PIGL: variants seen among roughly 807,000 people sequenced by gnomAD.
PIGL encodes N-acetylglucosaminyl-phosphatidylinositol de-N-acetylase.
Under a neutral mutation model 31.1 loss-of-function variants are expected in PIGL, and 22 were observed. That is an observed-to-expected ratio of 0.71 (90% CI 0.51 to 1.01). PIGL has a LOEUF of 1.01. Among genes scored for constraint, PIGL ranks in the 50% least tolerant of loss-of-function variants. The pLI is 0.00. For synonymous variants in PIGL, 131 were observed against 117.4 expected, an observed-to-expected ratio of 1.12 and a Z score of -0.75; for missense variants, 302 against 315.9, an observed-to-expected ratio of 0.96 and a Z score of 0.33.
chr17:16,319,616 G>A (rs569918283), intron 6 of PIGL, among the ~76,000 whole-genome samples: 8 of 152,132 alleles, frequency 5.3e-5, no homozygotes, highest in South Asian at 4.2e-4. Flanking sequence ...GTAGCCGGGC[G>A]TGGTGGTGGG....
At chr17:16,313,434 G>A in intron 3 of PIGL, 113 bp from the exon 4 acceptor site, 3 of 783,500 alleles carry the variant, frequency 3.8e-6, no homozygotes, top group Non-Finnish European at 6.9e-6. Flanking sequence ...GATAGATGCT[G>A]CATTTGAAAA....
chr17:16,224,153 T>G (rs2092641403), intron 1 of PIGL, among the ~76,000 whole-genome samples: 1 of 151,666 alleles, frequency 6.6e-6, no homozygotes, highest in South Asian at 2.1e-4. Context: ...AGGCGGAGGT[T>G]GCAGTGAGCC....
rs78063205 is a variant in PIGL, at chr17:16,294,711, T to C, written c.336-5177T>C. 5.6e-3 allele frequency among the ~76,000 whole-genome samples: 856 copies of C among 152,320 alleles called. 13 individuals are homozygous for C. Among genetic ancestry groups the C allele is most frequent in the African/African-American group, 0.019 (790 of 41,576 alleles). ...CCAGGCTCCCATGTCCATTGGCTTCTGGAGGGGTTTGACCAGTAGATGGCA... is the reference window on the plus strand; with the variant it reads ...CCAGGCTCCCATGTCCATTGGCTTCCGGAGGGGTTTGACCAGTAGATGGCA... On this transcript the variant is annotated intron_variant, in intron 2 of 6. Transcript: ENST00000225609.
intron 2 of PIGL, among the ~76,000 whole-genome samples, chr17:16,249,011 C>T (rs2092759858): frequency 6.6e-6 from 1 of 152,104 alleles, no homozygotes. Context: ...TCTTATAGCA[C>T]CACCAGTTCT....
chr17:16,239,597 T>A (rs770977421), intron 2 of PIGL, among the ~76,000 whole-genome samples: 2 of 152,182 alleles, frequency 1.3e-5, no homozygotes, highest in Non-Finnish European at 2.9e-5. Flanking sequence ...CTTCATGATA[T>A]CATACAGAAA....
At chr17:16,249,479 A>G (rs1040334336) in intron 2 of PIGL, among the ~76,000 whole-genome samples, 13 of 152,122 alleles carry the variant, frequency 8.5e-5, no homozygotes, top group Admixed American at 2.6e-4. Context: ...CACAAAGACA[A>G]GAACAAAAAC....
intron 2 of PIGL, among the ~76,000 whole-genome samples, chr17:16,256,616 C>T (rs541440249): frequency 6.6e-6 from 1 of 152,116 alleles, no homozygotes; most frequent in Admixed American, 6.5e-5. Context: ...TCCCAAAGTG[C>T]TAGGATTACA....
At chr17:16,304,803 C>A (rs2093019884) in intron 3 of PIGL, among the ~76,000 whole-genome samples, 1 of 152,122 alleles carries the variant, frequency 6.6e-6, no homozygotes, top group South Asian at 2.1e-4. Flanking sequence ...ACTGGGAATA[C>A]AACAGTGAGC....
chr17:16,244,128 G>A (rs991990916), intron 2 of PIGL, among the ~76,000 whole-genome samples: 2 of 152,152 alleles, frequency 1.3e-5, no homozygotes, highest in African/African-American at 2.4e-5. Context: ...ACTGATCTTA[G>A]CAGTTTAGGG....
At chr17:16,311,105 C>G (rs182682732) in intron 3 of PIGL, among the ~76,000 whole-genome samples, 354 of 152,274 alleles carry the variant, frequency 2.3e-3, no homozygotes, top group Middle Eastern at 0.014. Flanking sequence ...CTTCCCAGCC[C>G]ATTCCAATCC....
chr17:16,289,871 G>T (rs1278482879), intron 2 of PIGL, among the ~76,000 whole-genome samples: 1 of 152,128 alleles, frequency 6.6e-6, no homozygotes, highest in Non-Finnish European at 1.5e-5. Flanking sequence ...CCACCTCCTG[G>T]GTTAAAGCGA....
intron 2 of PIGL, among the ~76,000 whole-genome samples, chr17:16,270,659 G>T (rs1344319596): frequency 6.6e-6 from 1 of 152,096 alleles, no homozygotes; most frequent in Non-Finnish European, 1.5e-5. Context: ...CACTTTAGGA[G>T]ATTGAGGTAG....
intron 4 of PIGL, among the ~76,000 whole-genome samples, chr17:16,315,253 A>G (rs562274711): frequency 6.6e-6 from 1 of 152,314 alleles, no homozygotes; most frequent in East Asian, 1.9e-4. Flanking sequence ...ATTCATGGAC[A>G]TGCCACCAAT....
intron 3 of PIGL, among the ~76,000 whole-genome samples, chr17:16,303,146 C>A (rs1258387330): frequency 6.6e-6 from 1 of 152,172 alleles, no homozygotes; most frequent in Non-Finnish European, 1.5e-5. Flanking sequence ...GTGGTCCAGG[C>A]ACCCCTCCAG....
At chr17:16,227,742 G>A (rs981987166) in intron 1 of PIGL, among the ~76,000 whole-genome samples, 2 of 151,160 alleles carry the variant, frequency 1.3e-5, no homozygotes, top group Non-Finnish European at 2.9e-5. Flanking sequence ...CACCATGCCC[G>A]GCTAATTTTG....
chr17:16,265,170 A>G (rs1295102795), intron 2 of PIGL, among the ~76,000 whole-genome samples: 1 of 152,098 alleles, frequency 6.6e-6, no homozygotes, highest in Admixed American at 6.6e-5. Context: ...GGAGAAGAAC[A>G]CCTAGGAATA....
chr17:16,221,381 G>A (rs1291758680), intron 1 of PIGL, among the ~76,000 whole-genome samples: 1 of 151,676 alleles, frequency 6.6e-6, no homozygotes, highest in Non-Finnish European at 1.5e-5. Context: ...TCCAAGTCTT[G>A]GGCTCAAGTG....
intron 2 of PIGL, among the ~76,000 whole-genome samples, chr17:16,292,602 C>A (rs1439594010): frequency 1.3e-5 from 2 of 152,154 alleles, no homozygotes; most frequent in African/African-American, 4.8e-5. Flanking sequence ...TCATTACAAC[C>A]TTTTTACAAT....
intron 2 of PIGL, among the ~76,000 whole-genome samples, chr17:16,239,867 GC>G (rs1489360996): frequency 6.6e-6 from 1 of 152,052 alleles, no homozygotes; most frequent in Non-Finnish European, 1.5e-5. Context: ...GCTCACTGCA[GC>G]CTTGAACTCC....
Sources: allele counts gnomAD v4.1 joint callset (sites outside exome capture counted in the v4.1 genomes callset), GRCh38; gene constraint gnomAD v4.1.1; transcripts MANE v1.5; gene names NCBI Gene and HGNC (gene_info 2026-07-23, HGNC 2026-07-21).